The following SPOCK3 variants were observed in gnomAD, a reference collection of about 807,000 sequenced individuals.
SPOCK3 encodes the protein testican-3.
In SPOCK3, 30 loss-of-function variants were observed where a neutral mutation model predicts 56.6. That is an observed-to-expected ratio of 0.53 (90% CI 0.40 to 0.72). The LOEUF is 0.72. Ranked by LOEUF, SPOCK3 falls within the 30% of genes least tolerant of loss-of-function variation. SPOCK3 has a pLI of 0.00. For missense variants in SPOCK3, 527 were observed against 530.0 expected (o/e 0.99, Z 0.06); for synonymous variants, 196 against 183.3 (o/e 1.07, Z -0.56).
chr4:167,146,037 C>A (rs1449568450), intron 2 of SPOCK3, among the ~76,000 whole-genome samples: 1 of 152,038 alleles, frequency 6.6e-6, no homozygotes, highest in Admixed American at 6.6e-5. Flanking sequence ...AGGGTCAAGA[C>A]CTATCAGTGT....
At chr4:166,917,236 T>G (rs1045341209) in intron 4 of SPOCK3, among the ~76,000 whole-genome samples, 1 of 152,218 alleles carries the variant, frequency 6.6e-6, no homozygotes, top group African/African-American at 2.4e-5. Context: ...AATATTTTTC[T>G]TAAACCTTGT....
intron 6 of SPOCK3, among the ~76,000 whole-genome samples, chr4:166,814,161 T>A (rs1231451079): frequency 6.6e-6 from 1 of 152,120 alleles, no homozygotes; most frequent in Non-Finnish European, 1.5e-5. Flanking sequence ...ATTCTTCTCA[T>A]CAAACAACGG....
At chr4:166,910,667 G>A (rs1287201985) in intron 5 of SPOCK3, among the ~76,000 whole-genome samples, 1 of 152,066 alleles carries the variant, frequency 6.6e-6, no homozygotes, top group African/African-American at 2.4e-5. Context: ...CACCTGCTAG[G>A]AGCAACCTCA....
At chr4:166,914,693 C>A (rs999312955) in intron 4 of SPOCK3, among the ~76,000 whole-genome samples, 5 of 152,134 alleles carry the variant, frequency 3.3e-5, no homozygotes, top group Admixed American at 6.5e-5. Flanking sequence ...TAGCTTGAAT[C>A]CAGGAGGCGG....
At chr4:167,153,501 C>T (rs1399550066) in intron 2 of SPOCK3, among the ~76,000 whole-genome samples, 1 of 152,132 alleles carries the variant, frequency 6.6e-6, no homozygotes, top group Non-Finnish European at 1.5e-5. Context: ...AACTTCAGCT[C>T]CTCAGAAACT....
intron 6 of SPOCK3, among the ~76,000 whole-genome samples, chr4:166,820,531 TA>T (rs1371809353): frequency 6.6e-6 from 1 of 151,974 alleles, no homozygotes; most frequent in African/African-American, 2.4e-5. Flanking sequence ...TACCAAACAT[TA>T]ACTTAAAGCG....
chr4:167,153,031 T>G (rs981051863), intron 2 of SPOCK3, among the ~76,000 whole-genome samples: 1 of 152,206 alleles, frequency 6.6e-6, no homozygotes, highest in African/African-American at 2.4e-5. Context: ...TTAGATGCTA[T>G]GCTAAGCTCT....
chr4:166,792,271 A>T lies in SPOCK3; in HGVS notation c.608T>A (p.Phe203Tyr). The T allele has an allele frequency of 6.2e-7, 1 of 1,613,890 alleles. No individual in the cohort carries two copies. Among genetic ancestry groups the T allele is most frequent in the East Asian group, 2.2e-5 (1 of 44,846 alleles). ...NVKRACSDLE[F>Y]REVANRLRDW... is the part of the protein sequence containing the mutation. ...CCGCAATCTGTTTGCCACTTCCCTG[A>T]ACTCCAGGTCACTGCATGCTAAAAA... Residue 203 changes from phenylalanine to tyrosine, a missense_variant, in exon 7 of 11, where the codon TTC becomes TAC. Physicochemically the swap from Phe to Tyr is conservative, Grantham distance 22 (BLOSUM62 3). Coordinates refer to ENST00000357545, the MANE Select transcript of SPOCK3 (RefSeq NM_001040159.2).
At chr4:166,873,440 C>T (rs1489479090) in intron 6 of SPOCK3, among the ~76,000 whole-genome samples, 1 of 151,904 alleles carries the variant, frequency 6.6e-6, no homozygotes, top group East Asian at 1.9e-4. Context: ...TCAATTGCAG[C>T]AAATGATGCA....
intron 8 of SPOCK3, among the ~76,000 whole-genome samples, chr4:166,750,968 G>A (rs1292612359): frequency 6.6e-6 from 1 of 152,098 alleles, no homozygotes; most frequent in Non-Finnish European, 1.5e-5. Context: ...GCTGTGTACT[G>A]CACAACTCCA....
At chr4:167,079,812 T>C (rs1757551500) in intron 2 of SPOCK3, among the ~76,000 whole-genome samples, 1 of 151,998 alleles carries the variant, frequency 6.6e-6, no homozygotes. Context: ...CTGAGCTACT[T>C]CATACATTAG....
chr4:166,790,470 C>T (rs984055225), intron 7 of SPOCK3, among the ~76,000 whole-genome samples: 1 of 152,102 alleles, frequency 6.6e-6, no homozygotes, highest in Non-Finnish European at 1.5e-5. Context: ...GATAACTTCC[C>T]TTTGGAAATT....
intron 10 of SPOCK3, among the ~76,000 whole-genome samples, chr4:166,735,363 TA>T (rs1317161217): frequency 6.6e-6 from 1 of 152,030 alleles, no homozygotes; most frequent in African/African-American, 2.4e-5. Context: ...TCCCAGTTGT[TA>T]TAGAAATTCA....
intron 3 of SPOCK3, among the ~76,000 whole-genome samples, chr4:167,014,595 C>T (rs942210886): frequency 2.6e-5 from 4 of 152,094 alleles, no homozygotes; most frequent in Non-Finnish European, 5.9e-5. Context: ...TTCGAGGGTG[C>T]AGTGAGCTAT....
chr4:167,199,995 T>A (rs1311901369), intron 2 of SPOCK3, among the ~76,000 whole-genome samples: 1 of 152,006 alleles, frequency 6.6e-6, no homozygotes, highest in Non-Finnish European at 1.5e-5. Flanking sequence ...ACAGAAGACA[T>A]AATAGTTGCT....
At chr4:167,222,833 A>G (rs1209484246) in intron 2 of SPOCK3, among the ~76,000 whole-genome samples, 1 of 127,976 alleles carries the variant, frequency 7.8e-6, no homozygotes, top group Admixed American at 8.3e-5. Context: ...AAACATAGAT[A>G]TATATTGATA....
intron 4 of SPOCK3, among the ~76,000 whole-genome samples, chr4:166,996,952 C>T (rs1462027093): frequency 3.3e-5 from 5 of 152,136 alleles, no homozygotes; most frequent in Non-Finnish European, 5.9e-5. Flanking sequence ...TAAAACCAAT[C>T]GTTACATCCC....
At chr4:166,889,818 A>AT (rs961509275) in intron 5 of SPOCK3, among the ~76,000 whole-genome samples, 1 of 151,932 alleles carries the variant, frequency 6.6e-6, no homozygotes, top group African/African-American at 2.4e-5. Context: ...GTTACTTGTG[A>AT]TTTTCCACAA....
chr4:166,879,131 T>C (rs1733426270), intron 6 of SPOCK3, among the ~76,000 whole-genome samples: 1 of 151,966 alleles, frequency 6.6e-6, no homozygotes, highest in African/African-American at 2.4e-5. Flanking sequence ...AGAGTGTAGA[T>C]GGAGAAGGCA....
Sources: allele counts gnomAD v4.1 joint callset (sites outside exome capture counted in the v4.1 genomes callset), GRCh38; gene constraint gnomAD v4.1.1; transcripts MANE v1.5; gene names NCBI Gene and HGNC (gene_info 2026-07-23, HGNC 2026-07-21).